Variants in SCFD2 observed in about 807,000 individuals in gnomAD.
SCFD2 encodes the protein sec1 family domain-containing protein 2.
A neutral mutation model predicts 58.9 loss-of-function variants in SCFD2; 54 were observed. That is an observed-to-expected ratio of 0.92 (90% CI 0.74 to 1.15). SCFD2 has a LOEUF of 1.15. Among genes scored for constraint, SCFD2 ranks in the 50% most tolerant of loss-of-function variants. The pLI is 0.00. For missense variants in SCFD2, 805 were observed against 836.6 expected (o/e 0.96, Z 0.47); for synonymous variants, 321 against 335.9 (o/e 0.96, Z 0.49).
intron 5 of SCFD2, among the ~76,000 whole-genome samples, chr4:53,013,919 A>G (rs1722154013): frequency 6.6e-6 from 1 of 152,242 alleles, no homozygotes. Context: ...AGTATAAAAT[A>G]AAAAGGGTCA....
intron 3 of SCFD2, among the ~76,000 whole-genome samples, chr4:53,275,802 C>A (rs1693130556): frequency 6.6e-6 from 1 of 152,154 alleles, no homozygotes; most frequent in Admixed American, 6.5e-5. Context: ...AGTCTGGCTT[C>A]TTTCACTGAA....
At chr4:53,020,132 A>G (rs1722311252) in intron 5 of SCFD2, among the ~76,000 whole-genome samples, 1 of 152,236 alleles carries the variant, frequency 6.6e-6, no homozygotes, top group Non-Finnish European at 1.5e-5. Flanking sequence ...AATAGGTAAT[A>G]GCTCTTCCGG....
intron 4 of SCFD2, among the ~76,000 whole-genome samples, chr4:53,161,505 G>GA (rs1036343527): frequency 6.6e-6 from 1 of 152,102 alleles, no homozygotes; most frequent in African/African-American, 2.4e-5. Flanking sequence ...TCAGAGGATG[G>GA]AAAAAACAAC....
At chr4:53,019,883 C>T (rs1213886448) in intron 5 of SCFD2, among the ~76,000 whole-genome samples, 3 of 152,112 alleles carry the variant, frequency 2.0e-5, no homozygotes, top group Non-Finnish European at 2.9e-5. Flanking sequence ...ACAAGCTACT[C>T]GGAGGTTTAA....
At chr4:53,360,015 C>T (rs768138375) in intron 1 of SCFD2, among the ~76,000 whole-genome samples, 4 of 152,210 alleles carry the variant, frequency 2.6e-5, no homozygotes, top group Admixed American at 6.5e-5. Context: ...TAGCATGCTT[C>T]TAGGCTCTAT....
At chr4:53,170,951 A>T (rs1168977296) in intron 4 of SCFD2, among the ~76,000 whole-genome samples, 1 of 152,188 alleles carries the variant, frequency 6.6e-6, no homozygotes, top group African/African-American at 2.4e-5. Flanking sequence ...TTTTCTATAC[A>T]TGAGATCATG....
At chr4:53,249,415 A>C (rs1025592876) in intron 4 of SCFD2, among the ~76,000 whole-genome samples, 16 of 152,378 alleles carry the variant, frequency 1.1e-4, no homozygotes, top group African/African-American at 3.1e-4. Flanking sequence ...TCCCCAATCT[A>C]GCAAGGCAGG....
chr4:53,159,726 T>C (rs1351956267), intron 4 of SCFD2, among the ~76,000 whole-genome samples: 1 of 152,128 alleles, frequency 6.6e-6, no homozygotes, highest in Non-Finnish European at 1.5e-5. Flanking sequence ...GTGCCACAGA[T>C]ATTAAGGCAG....
At chr4:53,278,832 C>A (rs1435236507) in intron 3 of SCFD2, among the ~76,000 whole-genome samples, 3 of 150,310 alleles carry the variant, frequency 2.0e-5, no homozygotes, top group African/African-American at 7.4e-5. Context: ...TCCTAAAAAT[C>A]CCTAAGAGGC....
intron 5 of SCFD2, among the ~76,000 whole-genome samples, chr4:53,060,269 G>A (rs1298900316): frequency 1.3e-5 from 2 of 152,054 alleles, no homozygotes; most frequent in East Asian, 1.9e-4. Flanking sequence ...ACTGTTCTTC[G>A]TGTTACTCTG....
intron 4 of SCFD2, among the ~76,000 whole-genome samples, chr4:53,208,959 ACAAACCCTAGTT>A (rs985753726): frequency 1.4e-4 from 22 of 152,144 alleles, no homozygotes; most frequent in African/African-American, 4.8e-4. Context: ...TGCATTTCTA[ACAAACCCTAGTT>A]TGAATTCCCT....
intron 5 of SCFD2, among the ~76,000 whole-genome samples, chr4:52,959,099 G>T (rs371062177): frequency 1.8e-4 from 28 of 152,254 alleles, no homozygotes; most frequent in African/African-American, 6.5e-4. Flanking sequence ...AATCCAGAAA[G>T]TCTGACTCTT....
intron 4 of SCFD2, among the ~76,000 whole-genome samples, chr4:53,253,549 CT>C (rs1265432264): frequency 2.0e-5 from 3 of 152,042 alleles, no homozygotes; most frequent in African/African-American, 7.2e-5. Context: ...CCATGGAATA[CT>C]ATGTAGCCAT....
chr4:53,284,759 G>A (rs746821332), intron 3 of SCFD2, among the ~76,000 whole-genome samples: 1 of 152,150 alleles, frequency 6.6e-6, no homozygotes, highest in Non-Finnish European at 1.5e-5. Context: ...ATTAGATACT[G>A]AAACAATTTA....
chr4:53,313,493 T>C, intron 3 of SCFD2, 143 bp downstream of exon 3: 2 of 867,614 alleles, frequency 2.3e-6, no homozygotes, highest in Non-Finnish European at 3.6e-6. Flanking sequence ...AGCGTGCACA[T>C]ATTCCTTCCC....
chr4:53,041,635 C>A (rs1453880665), intron 5 of SCFD2, among the ~76,000 whole-genome samples: 4 of 152,056 alleles, frequency 2.6e-5, no homozygotes, highest in African/African-American at 9.7e-5. Flanking sequence ...AAAGAATGAT[C>A]CACATTGTTT....
intron 5 of SCFD2, among the ~76,000 whole-genome samples, chr4:53,142,631 C>G (rs1158586438): frequency 6.6e-6 from 1 of 152,220 alleles, no homozygotes; most frequent in African/African-American, 2.4e-5. Context: ...CTTTCCTATT[C>G]TACAAGACCG....
chr4:53,022,194 G>C (rs938586458), intron 5 of SCFD2, among the ~76,000 whole-genome samples: 1 of 152,202 alleles, frequency 6.6e-6, no homozygotes, highest in Non-Finnish European at 1.5e-5. Flanking sequence ...TAACTATTGA[G>C]AGATGCATGT....
chr4:53,351,145 T>G (rs1470781164), intron 2 of SCFD2, among the ~76,000 whole-genome samples: 2 of 152,228 alleles, frequency 1.3e-5, no homozygotes, highest in Non-Finnish European at 2.9e-5. Flanking sequence ...CTGTAAAGCT[T>G]AATTTCCCAA....
Sources: gnomAD v4.1 joint callset for allele counts (sites outside exome capture counted in the v4.1 genomes callset) on GRCh38, gnomAD v4.1.1 for gene constraint, MANE v1.5 for transcripts, NCBI Gene and HGNC (gene_info 2026-07-23, HGNC 2026-07-21) for gene names.